The following PKP1 variants were observed in gnomAD, a reference collection of about 807,000 sequenced individuals.
The protein encoded by PKP1 is plakophilin 1.
PKP1 carries 27 observed loss-of-function variants against 76.4 expected under a neutral mutation model. That is an observed-to-expected ratio of 0.35 (90% CI 0.26 to 0.49). The LOEUF (loss-of-function observed/expected upper bound fraction) is 0.49. PKP1 is among the 20% of genes least tolerant of loss of function. The pLI is 0.99. For missense variants in PKP1, 964 were observed against 955.2 expected, an observed-to-expected ratio of 1.01 and a Z score of -0.12; for synonymous variants, 404 against 384.2, an observed-to-expected ratio of 1.05 and a Z score of -0.60.
chr1:201,305,735 T>TG (rs532736741), intron 2 of PKP1, among the ~76,000 whole-genome samples: 411 of 151,946 alleles, frequency 2.7e-3, no homozygotes, highest in African/African-American at 9.2e-3. Flanking sequence ...CAGTATAGGG[T>TG]GGGGGGCATC....
At chr1:201,316,886 T>G (rs1329924853) in intron 4 of PKP1, among the ~76,000 whole-genome samples, 189 bp downstream of exon 4, 1 of 152,244 alleles carries the variant, frequency 6.6e-6, no homozygotes. Context: ...CAAAGCCCTC[T>G]GTTTAAGTGG....
intron 2 of PKP1, among the ~76,000 whole-genome samples, chr1:201,302,854 G>GACT (rs1656274696): frequency 1.4e-5 from 2 of 141,850 alleles, no homozygotes; most frequent in East Asian, 2.0e-4. Flanking sequence ...GTGAATCACA[G>GACT]GCTGCCGAAC....
intron 7 of PKP1, 107 bp from the exon 8 acceptor site, chr1:201,321,871 G>A (rs762842574): frequency 1.4e-5 from 18 of 1,309,928 alleles, no homozygotes; most frequent in Non-Finnish European, 1.5e-5. Flanking sequence ...CATCTTTCCC[G>A]ATGCAGCCCA....
rs751571523 is a variant in PKP1, at chr1:201,318,647, G to A, written c.1084G>A (p.Glu362Lys). ...GLLWNLSSTD[E>K]LKEELIADAL... is the part of the protein sequence containing the mutation. The stretch of plus-strand genomic sequence containing the variant: ...GCTCTGGAACCTGTCTTCCACTGAC[G>A]AGCTGAAGGAGGAACTCATTGCCGA... Residue 362 changes from glutamate to lysine, a missense_variant, in exon 6 of 14, where the codon GAG becomes AAG. Physicochemically the swap from Glu to Lys is moderately conservative, Grantham distance 56 (BLOSUM62 1). Coordinates refer to ENST00000367324, the MANE Select transcript of PKP1 (RefSeq NM_001005337.3). The A allele has an allele frequency of 2.5e-6, 4 of 1,612,228 alleles. No homozygotes were observed. Among genetic ancestry groups the A allele is most frequent in the South Asian group, 2.2e-5 (2 of 90,988 alleles).
intron 1 of PKP1, among the ~76,000 whole-genome samples, chr1:201,289,314 G>A (rs1351415616): frequency 6.6e-6 from 1 of 152,204 alleles, no homozygotes; most frequent in African/African-American, 2.4e-5. Flanking sequence ...TGAAGTAAAG[G>A]CATTTTCAAG....
intron 4 of PKP1, 138 bp downstream of exon 4, chr1:201,316,835 T>C: frequency 1.1e-6 from 1 of 876,310 alleles, no homozygotes; most frequent in South Asian, 1.5e-5. Context: ...AGCCTTCGCA[T>C]TGCCCAAGGT....
Position 201,323,228 on chromosome 1 carries a change from T to A in PKP1, c.1680+39T>A, listed in dbSNP as rs1435137238. On this transcript the variant is annotated intron_variant, in intron 9 of 13. Transcript: ENST00000367324. ...TACCTTCTCTACTGCAGCAGCCCCA[T>A]CCTCCAGCCACCGTCCAGCCTCTGC... 3.8e-6 allele frequency: 6 copies of A among 1,591,362 alleles called. No individual in the cohort carries two copies. In the African/African-American group the frequency reaches 8.1e-5, roughly 21 times the overall value.
rs1281374694 is a variant in PKP1 at position 201,331,342 on chromosome 1, G to A, written c.*1301G>A. 6.6e-6 allele frequency: 1 copy of A among 152,216 alleles called. No homozygotes were observed. Among genetic ancestry groups the A allele is most frequent in the African/African-American group, 2.4e-5 (1 of 41,430 alleles). The allele number at this position is 152,216 out of a possible 1,614,324, so 9.4% of individuals were successfully genotyped here. The stretch of plus-strand genomic sequence containing the variant: ...AAACCCACAGGGGATGTGATAAACA[G>A]GGCTATTAGGGGTATCAGCCACGTC... On this transcript the variant is annotated 3_prime_UTR_variant, in exon 14 of 14. Coordinates refer to ENST00000367324, the MANE Select transcript of PKP1 (RefSeq NM_001005337.3).
Position 201,324,505 on chromosome 1 carries a change from C to T in PKP1, c.1758C>T (p.Gly586=), listed in dbSNP as rs1238527464. 6.2e-7 allele frequency: 1 copy of T among 1,614,046 alleles called. No homozygotes were observed. The highest frequency in any genetic ancestry group is 8.5e-7 in the Non-Finnish European group (1 of 1,180,020). The change falls in exon 10 of 14, where the codon GGC becomes GGT. Residue 586 remains glycine (G), a synonymous_variant. Coordinates refer to ENST00000367324, the MANE Select transcript of PKP1 (RefSeq NM_001005337.3). ...AAATTGCCCGCCTCCTGCAATCTGGCAACTCTGATGTGGTGCGGTCCGGAG... is the reference window on the plus strand; with the variant it reads ...AAATTGCCCGCCTCCTGCAATCTGGTAACTCTGATGTGGTGCGGTCCGGAG... ...LPQIARLLQS[G]NSDVVRSGAS...
In PKP1 at chr1:201,286,550, A is replaced by T. The variant is rs112308352; in HGVS notation, c.202+2646A>T. Among the ~76,000 whole-genome samples, 1,135 of 152,162 alleles carry T rather than the reference A, an allele frequency of 7.5e-3. 18 individuals carry two copies. Among genetic ancestry groups the T allele is most frequent in the African/African-American group, 0.023 (958 of 41,488 alleles). On this transcript the variant is annotated intron_variant, in intron 1 of 13. Transcript: ENST00000367324. ...GAAGGGCCCCTGGAGCCTGTCACAA[A>T]ATGCCTGTCTGCACTCATGCTCTCC...
chr1:201,292,629 G>A (rs908202976), intron 1 of PKP1, among the ~76,000 whole-genome samples: 3 of 152,224 alleles, frequency 2.0e-5, no homozygotes, highest in African/African-American at 7.2e-5. Flanking sequence ...GGCAATGGCC[G>A]GGGAGCCTAA....
chr1:201,328,181 C>T (rs937350434), intron 12 of PKP1, among the ~76,000 whole-genome samples: 2 of 152,160 alleles, frequency 1.3e-5, no homozygotes, highest in Non-Finnish European at 2.9e-5. Flanking sequence ...ATGTATTGGG[C>T]ACCTGCTGTA....
chr1:201,324,963 G>T lies in PKP1; in HGVS notation c.1857G>T (p.Val619=). The T allele has an allele frequency of 6.2e-7, 1 of 1,613,640 alleles. No homozygotes were observed. The highest frequency in any genetic ancestry group is 1.1e-5 in the South Asian group (1 of 91,036). ...RVMGNQVFPE[V]TRLLTSHTGN... ...CAGGGAACCAGGTGTTCCCGGAGGT[G>T]ACCAGGCTCCTCACCAGCCACACTG... Residue 619 remains valine (V), a synonymous_variant, in exon 11 of 14, where the codon GTG becomes GTT. Coordinates refer to ENST00000367324, the MANE Select transcript of PKP1 (RefSeq NM_001005337.3).
At chr1:201,311,835 A>G (rs1656563087) in intron 2 of PKP1, among the ~76,000 whole-genome samples, 1 of 152,164 alleles carries the variant, frequency 6.6e-6, no homozygotes, top group Admixed American at 6.5e-5. Context: ...ATCCTCTACT[A>G]TGAGAACAAG....
intron 2 of PKP1, among the ~76,000 whole-genome samples, chr1:201,307,157 G>A (rs759398078): frequency 6.6e-6 from 1 of 152,128 alleles, no homozygotes; most frequent in Admixed American, 6.5e-5. Context: ...GCTGGTGATG[G>A]CATTGTGGGT....
At chr1:201,325,211 T>C in intron 11 of PKP1, 84 bp downstream of exon 11, 1 of 1,386,926 alleles carries the variant, frequency 7.2e-7, no homozygotes. Context: ...CCCGCAGCTC[T>C]CCATGGAGTA....
intron 1 of PKP1, among the ~76,000 whole-genome samples, chr1:201,287,509 T>C (rs1655776345): frequency 6.6e-6 from 1 of 152,230 alleles, no homozygotes; most frequent in South Asian, 2.1e-4. Flanking sequence ...GAAGCTGAGA[T>C]TGCAGATGGT....
chr1:201,284,575 G>C (rs1322060334), intron 1 of PKP1, among the ~76,000 whole-genome samples: 2 of 152,324 alleles, frequency 1.3e-5, no homozygotes, highest in East Asian at 3.9e-4. Flanking sequence ...GCACTTTATC[G>C]AGAGCCTCCT....
chr1:201,300,697 C>G (rs369255547), intron 2 of PKP1, among the ~76,000 whole-genome samples: 3 of 152,226 alleles, frequency 2.0e-5, no homozygotes, highest in South Asian at 4.1e-4. Context: ...TTCTGTGTCC[C>G]TCTTTTGGGG....
Sources: gnomAD v4.1 joint callset for allele counts (sites outside exome capture counted in the v4.1 genomes callset) on GRCh38, gnomAD v4.1.1 for gene constraint, MANE v1.5 for transcripts, NCBI Gene and HGNC (gene_info 2026-07-23, HGNC 2026-07-21) for gene names.